KCNIP4: variants seen among roughly 807,000 people sequenced by gnomAD.
KCNIP4 encodes the protein Kv channel-interacting protein 4.
A neutral mutation model predicts 34.0 loss-of-function variants in KCNIP4; 12 were observed. That is an observed-to-expected ratio of 0.35 (90% CI 0.23 to 0.57). The LOEUF is 0.57. KCNIP4 is among the 20% of genes least tolerant of loss of function. The probability of loss-of-function intolerance (pLI) is 0.83; values close to 1 mark genes in which losing one functional copy is unlikely to be tolerated. For missense variants in KCNIP4, 238 were observed against 311.7 expected (o/e 0.76, Z 1.78); for synonymous variants, 124 against 102.2 (o/e 1.21, Z -1.29).
rs113247351 is a variant in KCNIP4 at position 21,076,812 on chromosome 4, G to A, written c.62-194103C>T. Among the ~76,000 whole-genome samples, 644 of 152,198 alleles carry A rather than the reference G, an allele frequency of 4.2e-3. 4 individuals carry two copies. Among genetic ancestry groups the A allele is most frequent in the African/African-American group, 0.015 (610 of 41,542 alleles). On this transcript the variant is annotated intron_variant, in intron 1 of 8. Coordinates refer to ENST00000382152, the MANE Select transcript of KCNIP4 (RefSeq NM_025221.6). ...TGGACTGATTCATCAGTTATCTACC[G>A]AGTAGATTGCTTAAAAAGAAGTGTT... is the stretch of plus-strand genomic sequence containing the variant.
At chr4:21,147,962 A>AAAAAAAAAAAAAAAAAG (rs1553945858) in intron 1 of KCNIP4, among the ~76,000 whole-genome samples, 10 of 123,856 alleles carry the variant, frequency 8.1e-5, no homozygotes, top group East Asian at 2.5e-4. Flanking sequence ...AAAAAAAAAG[A>AAAAAAAAAAAAAAAAAG]AAAAAAGTTC....
chr4:21,504,624 G>C (rs1380710703), intron 1 of KCNIP4, among the ~76,000 whole-genome samples: 1 of 151,996 alleles, frequency 6.6e-6, no homozygotes, highest in Non-Finnish European at 1.5e-5. Context: ...CCTTTCTTTA[G>C]GGAGGCTAAT....
intron 1 of KCNIP4, among the ~76,000 whole-genome samples, chr4:21,790,410 G>A (rs573416328): frequency 2.6e-5 from 4 of 152,178 alleles, no homozygotes; most frequent in African/African-American, 9.6e-5. Context: ...ATGTTACAGA[G>A]TACACTCAAA....
rs577140975 is a variant in KCNIP4 at position 21,791,101 on chromosome 4, A to C, written c.61+157470T>G. 3.9e-5 allele frequency among the ~76,000 whole-genome samples: 6 copies of C among 152,200 alleles called. No individual in the cohort carries two copies. In the South Asian group the frequency reaches 1.2e-3, roughly 32 times the overall value. ...CTAGGCTGGGCAGTTTATTATCAAC[A>C]GAAATGTATTCCTCACAGATCTGGA... On this transcript the variant is annotated intron_variant, in intron 1 of 8. Coordinates refer to ENST00000382152, the MANE Select transcript of KCNIP4 (RefSeq NM_025221.6).
At chr4:21,196,197 C>T (rs113995864) in intron 1 of KCNIP4, among the ~76,000 whole-genome samples, 3,131 of 152,256 alleles carry the variant, frequency 0.021, 50 homozygotes, top group South Asian at 0.03. Flanking sequence ...TATCACTTAA[C>T]GATTTCAATG....
At chr4:21,862,338 G>A (rs752933839) in intron 1 of KCNIP4, among the ~76,000 whole-genome samples, 10 of 152,202 alleles carry the variant, frequency 6.6e-5, no homozygotes, top group South Asian at 6.2e-4. Flanking sequence ...TTATTTCCTC[G>A]TGCCAGGCAT....
At chr4:21,510,078 C>CAAAAA (rs759477091) in intron 1 of KCNIP4, among the ~76,000 whole-genome samples, 2,328 of 65,126 alleles carry the variant, frequency 0.036, 133 homozygotes, top group African/African-American at 0.13. Flanking sequence ...ACTCCATCTC[C>CAAAAA]AAAAAAAAAA....
intron 1 of KCNIP4, among the ~76,000 whole-genome samples, chr4:21,105,709 T>C (rs550240218): frequency 6.6e-6 from 1 of 151,730 alleles, no homozygotes; most frequent in Admixed American, 6.5e-5. Context: ...TTTTGCCCAT[T>C]CAGTATGATA....
At chr4:21,251,246 A>G (rs562452112) in intron 1 of KCNIP4, among the ~76,000 whole-genome samples, 27 of 152,356 alleles carry the variant, frequency 1.8e-4, no homozygotes, top group African/African-American at 6.5e-4. Flanking sequence ...ATTGTAGAGT[A>G]AGGCAGAAAA....
intron 1 of KCNIP4, among the ~76,000 whole-genome samples, chr4:21,310,623 C>A (rs1388226742): frequency 1.3e-5 from 2 of 149,830 alleles, no homozygotes; most frequent in East Asian, 1.9e-4. Flanking sequence ...AAATGTATTT[C>A]TTTCTTCTTC....
chr4:21,913,362 T>A (rs1441159052), intron 1 of KCNIP4, among the ~76,000 whole-genome samples: 3 of 137,004 alleles, frequency 2.2e-5, no homozygotes, highest in Non-Finnish European at 4.7e-5. Flanking sequence ...TTTTTCTTTT[T>A]CCTTTTTTTT....
At chr4:20,808,427 T>C (rs1184386604) in intron 3 of KCNIP4, among the ~76,000 whole-genome samples, 2 of 152,204 alleles carry the variant, frequency 1.3e-5, no homozygotes, top group African/African-American at 2.4e-5. Flanking sequence ...CATGTTTTAG[T>C]TAGAGGAAAC....
At chr4:21,456,187 T>TACAGGG (rs1728941223) in intron 1 of KCNIP4, among the ~76,000 whole-genome samples, 1 of 147,366 alleles carries the variant, frequency 6.8e-6, no homozygotes, top group African/African-American at 2.7e-5. Context: ...CTCTGCCAGT[T>TACAGGG]ACAGGGACAT....
At chr4:20,891,949 A>G (rs1192250180) in intron 1 of KCNIP4, among the ~76,000 whole-genome samples, 4 of 152,166 alleles carry the variant, frequency 2.6e-5, no homozygotes, top group African/African-American at 7.2e-5. Flanking sequence ...TTTCAAATTC[A>G]TTCCTGAAGA....
intron 1 of KCNIP4, among the ~76,000 whole-genome samples, chr4:21,687,917 C>T (rs756125622): frequency 2.6e-5 from 4 of 152,192 alleles, no homozygotes; most frequent in South Asian, 4.1e-4. Context: ...CAAACAAAGA[C>T]GTAGTTTAGA....
intron 1 of KCNIP4, among the ~76,000 whole-genome samples, chr4:21,666,807 C>T (rs761783058): frequency 1.1e-4 from 17 of 152,154 alleles, no homozygotes; most frequent in Non-Finnish European, 2.1e-4. Context: ...AAAAGATACG[C>T]TTCAGCTAGT....
chr4:21,267,591 C>T (rs1334036535), intron 1 of KCNIP4, among the ~76,000 whole-genome samples: 1 of 148,254 alleles, frequency 6.7e-6, no homozygotes, highest in African/African-American at 2.5e-5. Context: ...GCCTTTTCTG[C>T]ATCTGTTGAG....
intron 1 of KCNIP4, among the ~76,000 whole-genome samples, chr4:21,513,216 A>C (rs2109927696): frequency 6.6e-6 from 1 of 152,320 alleles, no homozygotes; most frequent in East Asian, 1.9e-4. Flanking sequence ...TAACCATGTC[A>C]TTGTATGATA....
intron 1 of KCNIP4, among the ~76,000 whole-genome samples, chr4:20,897,666 A>G (rs1726703604): frequency 1.3e-5 from 2 of 152,172 alleles, no homozygotes; most frequent in Non-Finnish European, 2.9e-5. Flanking sequence ...AGAGAAAGAT[A>G]TACTGTGATG....
Sources: allele counts gnomAD v4.1 joint callset (sites outside exome capture counted in the v4.1 genomes callset), GRCh38; gene constraint gnomAD v4.1.1; transcripts MANE v1.5; gene names NCBI Gene and HGNC (gene_info 2026-07-23, HGNC 2026-07-21).